Variants in GK5 observed in about 807,000 individuals in gnomAD.
The protein encoded by GK5 is glycerol kinase 5.
Under a neutral mutation model 77.3 loss-of-function variants are expected in GK5, and 39 were observed. The ratio of observed to expected loss-of-function variants is 0.50; its 90% CI spans 0.39 to 0.66. GK5 has a LOEUF of 0.66. Ranked by LOEUF, GK5 falls within the 30% of genes least tolerant of loss-of-function variation. GK5 has a pLI of 0.00. For missense variants in GK5, 487 were observed against 633.8 expected (o/e 0.77, Z 2.49); for synonymous variants, 211 against 208.0 (o/e 1.01, Z -0.13).
chr3:142,212,661 C>T (rs1291259514), intron 3 of GK5, among the ~76,000 whole-genome samples: 1 of 152,116 alleles, frequency 6.6e-6, no homozygotes, highest in Non-Finnish European at 1.5e-5. Context: ...CTGAGCAACC[C>T]TGAACAACTT....
chr3:142,174,275 T>C (rs2108782783), intron 12 of GK5, among the ~76,000 whole-genome samples: 1 of 152,314 alleles, frequency 6.6e-6, no homozygotes, highest in South Asian at 2.1e-4. Flanking sequence ...ATATTACATC[T>C]TATCTTTGCT....
chr3:142,175,240 C>T (rs1560211936), intron 12 of GK5, among the ~76,000 whole-genome samples: 1 of 152,192 alleles, frequency 6.6e-6, no homozygotes, highest in Non-Finnish European at 1.5e-5. Context: ...AAACCACGAG[C>T]CCTGCTAGAG....
At chr3:142,208,171 A>G (rs2064138009) in intron 3 of GK5, among the ~76,000 whole-genome samples, 1 of 152,224 alleles carries the variant, frequency 6.6e-6, no homozygotes, top group African/African-American at 2.4e-5. Context: ...ATTTTAACAT[A>G]GCTTACTTAT....
intron 9 of GK5, chr3:142,185,304 T>A: frequency 3.1e-6 from 1 of 320,482 alleles, no homozygotes; most frequent in Non-Finnish European, 4.5e-6. Context: ...TCTTGGCTAC[T>A]TGGGAGGCTG....
At position 142,187,741 on chromosome 3, in the gene GK5, C is replaced by T. The variant is rs1241310813; in HGVS notation, c.582G>A (p.Gly194=). The T allele has an allele frequency of 3.7e-6, 6 of 1,612,542 alleles. No homozygotes were observed. Among genetic ancestry groups the T allele is most frequent in the South Asian group, 2.2e-5 (2 of 90,464 alleles). The part of the protein sequence containing the change: ...KAVEEENCCF[G]TIDTWLLYKL... ...TATATAACAACCAGGTATCAATAGT[C>T]CCAAAGCAGCAATTTTCTTCTTCAA... Residue 194 remains glycine, a synonymous_variant, in exon 6 of 16, where the codon GGG becomes GGA. Transcript: ENST00000392993.
rs778805849 is a variant in GK5 at position 142,186,228 on chromosome 3, G to C, written c.721C>G (p.Pro241Ala). Residue 241 changes from proline to alanine, a missense_variant, in exon 8 of 16, where the codon CCA becomes GCA. Physicochemically the swap from Pro to Ala is conservative, Grantham distance 27. Coordinates refer to ENST00000392993, the MANE Select transcript of GK5 (RefSeq NM_001039547.3). ...CTCACAGGAGGTAGGAGAGAAAGTG[G>C]TATCGAAATTAGAGAGGTAATCATC... ...SGMITSLISIPLSLLPPVRDT... is the reference protein window; with the variant it reads ...SGMITSLISIALSLLPPVRDT... The C allele has an allele frequency of 4.4e-6, 7 of 1,605,390 alleles. No individual in the cohort carries two copies. The highest frequency in any genetic ancestry group is 1.7e-5 in the Admixed American group (1 of 59,958).
intron 3 of GK5, among the ~76,000 whole-genome samples, chr3:142,207,751 T>C (rs1389436858): frequency 6.6e-6 from 1 of 152,170 alleles, no homozygotes; most frequent in Non-Finnish European, 1.5e-5. Context: ...TTCACTATCT[T>C]GTTTGTGTCT....
At chr3:142,211,826 T>C (rs1457974327) in intron 3 of GK5, among the ~76,000 whole-genome samples, 1 of 152,158 alleles carries the variant, frequency 6.6e-6, no homozygotes, top group Non-Finnish European at 1.5e-5. Context: ...TCCTATCTGA[T>C]GGAGATGTGC....
At chr3:142,214,481 A>G (rs982054540) in intron 2 of GK5, among the ~76,000 whole-genome samples, 1 of 152,238 alleles carries the variant, frequency 6.6e-6, no homozygotes, top group African/African-American at 2.4e-5. Context: ...GACAACTTCA[A>G]TTTGAGCATT....
chr3:142,191,544 G>A (rs1054785979), intron 5 of GK5, among the ~76,000 whole-genome samples: 1 of 151,316 alleles, frequency 6.6e-6, no homozygotes, highest in Non-Finnish European at 1.5e-5. Flanking sequence ...TCTATTAAAA[G>A]TGAAAAAATT....
intron 10 of GK5, among the ~76,000 whole-genome samples, chr3:142,182,246 A>G (rs577163919): frequency 6.6e-6 from 1 of 152,312 alleles, no homozygotes; most frequent in East Asian, 1.9e-4. Flanking sequence ...AGCAATTGTC[A>G]TTATCCATTG....
intron 14 of GK5, 90 bp from the exon 15 acceptor site, chr3:142,170,548 T>C: frequency 9.2e-7 from 1 of 1,081,836 alleles, no homozygotes; most frequent in Non-Finnish European, 1.3e-6. Flanking sequence ...AAATCCTTGA[T>C]TTTATTTTAT....
intron 2 of GK5, 48 bp downstream of exon 2, chr3:142,215,551 C>CAA (rs61501618): frequency 2.2e-4 from 192 of 867,212 alleles, no homozygotes; most frequent in African/African-American, 1.6e-3. Context: ...AAAACTATTA[C>CAA]AAAAAAAAAA....
rs371963330 is a variant in GK5, at chr3:142,197,820, C to T, written c.543+982G>A. ...CAGGCAGATCACGAGGTCAGGAGTT[C>T]AAGACCAGCCTGGACAACATGGTGA... is the stretch of plus-strand genomic sequence containing the variant. On this transcript the variant is annotated intron_variant, in intron 5 of 15. Transcript: ENST00000392993. Among the ~76,000 whole-genome samples, 12 of 151,836 alleles carry T rather than the reference C, an allele frequency of 7.9e-5. No homozygotes were observed. The East Asian group carries it at 1.7e-3, about 22-fold the overall frequency.
chr3:142,170,766 CGA>C (rs1560209474), intron 14 of GK5, among the ~76,000 whole-genome samples: 1 of 149,298 alleles, frequency 6.7e-6, no homozygotes, highest in Non-Finnish European at 1.5e-5. Context: ...AAAAGAAAGT[CGA>C]GAAGTTTGAT....
In GK5 at chr3:142,186,785, C is replaced by T. The variant is rs577160220; in HGVS notation, c.620-272G>A. Among the ~76,000 whole-genome samples the T allele has an allele frequency of 1.2e-3, 177 of 152,178 alleles. 1 individual carries two copies. Among genetic ancestry groups the T allele is most frequent in the Middle Eastern group, 3.4e-3 (1 of 294 alleles). ...AGCTGGGATTAGAGGCATGTGCCAC[C>T]ACACCCAGCTAATTTGATATTTTTT... On this transcript the variant is annotated intron_variant, in intron 6 of 15. Transcript: ENST00000392993.
chr3:142,170,131 T>G, intron 15 of GK5, 194 bp downstream of exon 15: 1 of 686,960 alleles, frequency 1.5e-6, no homozygotes. Flanking sequence ...GAGGTGAGGA[T>G]AGAAGAGGTG....
chr3:142,172,883 TAA>T (rs1159704656), intron 12 of GK5, among the ~76,000 whole-genome samples: 1 of 152,292 alleles, frequency 6.6e-6, no homozygotes, highest in African/African-American at 2.4e-5. Context: ...TGTCATAACT[TAA>T]ATCAAATATG....
At chr3:142,199,514 C>T (rs1230615369) in intron 4 of GK5, among the ~76,000 whole-genome samples, 1 of 152,068 alleles carries the variant, frequency 6.6e-6, no homozygotes, top group Non-Finnish European at 1.5e-5. Flanking sequence ...GACCTGAGAA[C>T]TCTTAATACT....
Sources: gnomAD v4.1 joint callset for allele counts (sites outside exome capture counted in the v4.1 genomes callset) on GRCh38, gnomAD v4.1.1 for gene constraint, MANE v1.5 for transcripts, NCBI Gene and HGNC (gene_info 2026-07-23, HGNC 2026-07-21) for gene names.